CAPN7: variants seen among roughly 807,000 people sequenced by gnomAD.
CAPN7 encodes calpain-7.
CAPN7 carries 72 observed loss-of-function variants against 115.2 expected under a neutral mutation model. The observed-to-expected ratio is 0.63, with a 90% CI of 0.52 to 0.76. The LOEUF (loss-of-function observed/expected upper bound fraction) is 0.76. CAPN7 is among the 30% of genes least tolerant of loss of function. The pLI is 0.00. For missense variants in CAPN7, 905 were observed against 971.5 expected (o/e 0.93, Z 0.91); for synonymous variants, 344 against 322.3 (o/e 1.07, Z -0.72).
chr3:15,230,642 G>C (rs1451712605), intron 9 of CAPN7, 107 bp downstream of exon 9: 3 of 670,838 alleles, frequency 4.5e-6, no homozygotes, highest in Non-Finnish European at 8.0e-6. Flanking sequence ...CATTTTAAAA[G>C]TTAGAGTCTG....
Position 15,216,792 on chromosome 3 carries a change from A to G in CAPN7, c.212-633A>G, listed in dbSNP as rs146818969. Among the ~76,000 whole-genome samples, 26 of 152,296 alleles carry G rather than the reference A, an allele frequency of 1.7e-4. 1 individual carries two copies. Among genetic ancestry groups the G allele is most frequent in the African/African-American group, 5.1e-4 (21 of 41,568 alleles). On this transcript the variant is annotated intron_variant, in intron 2 of 20. Coordinates refer to ENST00000253693, the MANE Select transcript of CAPN7 (RefSeq NM_014296.3). ...ATATGAGGAGAATGCCTGTGTTTCA[A>G]TTTTTAAGTGAAGAAAGTGCCAGTG...
chr3:15,218,654 A>G, intron 4 of CAPN7, 114 bp downstream of exon 4: 1 of 741,948 alleles, frequency 1.3e-6, no homozygotes, highest in Non-Finnish European at 2.3e-6. Context: ...TTTAACTGTC[A>G]TCTGAAACAA....
intron 6 of CAPN7, 119 bp downstream of exon 6, chr3:15,223,680 G>A: frequency 1.5e-6 from 1 of 648,320 alleles, no homozygotes; most frequent in South Asian, 1.9e-5. Context: ...GAATAGAGGG[G>A]TGGCTGTGGG....
chr3:15,239,465 A>G (rs1695211254), intron 12 of CAPN7, among the ~76,000 whole-genome samples: 1 of 152,236 alleles, frequency 6.6e-6, no homozygotes, highest in Non-Finnish European at 1.5e-5. Flanking sequence ...ATTCTGTTCC[A>G]TAAATGAGTG....
At chr3:15,230,119 G>A (rs1391976510) in intron 8 of CAPN7, among the ~76,000 whole-genome samples, 2 of 152,170 alleles carry the variant, frequency 1.3e-5, no homozygotes, top group South Asian at 4.1e-4. Context: ...CTTAGGGCCA[G>A]TGGTAAAAGA....
intron 8 of CAPN7, among the ~76,000 whole-genome samples, chr3:15,229,430 A>G (rs1694531767): frequency 1.3e-5 from 2 of 152,180 alleles, no homozygotes; most frequent in Admixed American, 6.5e-5. Context: ...CAAGTGTAAA[A>G]TGCATGAGAT....
In CAPN7 at chr3:15,220,879, TGG is replaced by T; in HGVS notation, c.538_539del (p.Gly180ArgfsTer2). On this transcript the variant is annotated frameshift_variant, in exon 5 of 21. Transcript: ENST00000253693. LOFTEE classifies it high-confidence loss of function. ...CCTCCAGTGAGAGCACATTTTCCAC[TGG>T]GCGCTAATCCCTTCCTTGAAAGACC... is the stretch of plus-strand genomic sequence containing the variant. 1 of 1,614,230 alleles carries T rather than the reference TGG, an allele frequency of 6.2e-7. No individual in the cohort carries two copies. Among genetic ancestry groups the T allele is most frequent in the Admixed American group, 1.7e-5 (1 of 60,028 alleles).
Position 15,252,866 on chromosome 3 carries a change from G to A in CAPN7, c.*1606G>A, listed in dbSNP as rs914757607. The A allele has an allele frequency of 7.5e-6, 1 of 132,940 alleles. No individual in the cohort carries two copies. The highest frequency in any genetic ancestry group is 4.2e-5 in the African/African-American group (1 of 23,536). The allele number at this position is 132,940 out of a possible 1,614,324, so 8.2% of individuals were successfully genotyped here. On this transcript the variant is annotated 3_prime_UTR_variant, in exon 21 of 21. Coordinates refer to ENST00000253693, the MANE Select transcript of CAPN7 (RefSeq NM_014296.3). ...TGAGTGTTTACTATGTACCCAATGT[G>A]TATATTTTTCTTTTTAATCTTCCCA... is the stretch of plus-strand genomic sequence containing the variant.
chr3:15,225,367 G>A (rs1274475825), intron 6 of CAPN7, among the ~76,000 whole-genome samples: 1 of 152,122 alleles, frequency 6.6e-6, no homozygotes. Context: ...AAATGAATCA[G>A]TTATTCTGGT....
rs111812945 is a variant in CAPN7 at position 15,235,446 on chromosome 3, T to G, written c.1407+301T>G. Among the ~76,000 whole-genome samples the G allele has an allele frequency of 3.4e-3, 510 of 152,222 alleles. 5 individuals carry two copies. The highest frequency in any genetic ancestry group is 9.8e-3 in the African/African-American group (406 of 41,536). On this transcript the variant is annotated intron_variant, in intron 12 of 20. Coordinates refer to ENST00000253693, the MANE Select transcript of CAPN7 (RefSeq NM_014296.3). Reference sequence around the variant, plus strand: ...TACATAGCTTCCAAGATTCCAAGCTTCTTCTTCGTGTTTGGATCAATCACA... The same window carrying G: ...TACATAGCTTCCAAGATTCCAAGCTGCTTCTTCGTGTTTGGATCAATCACA...
intron 2 of CAPN7, 46 bp downstream of exon 2, chr3:15,212,258 C>G (rs1287350723): frequency 9.8e-7 from 1 of 1,023,168 alleles, no homozygotes; most frequent in Non-Finnish European, 1.5e-6. Flanking sequence ...TTTCTTTTCT[C>G]CCATCATGTC....
At chr3:15,224,719 T>C (rs1036428268) in intron 6 of CAPN7, among the ~76,000 whole-genome samples, 1 of 152,166 alleles carries the variant, frequency 6.6e-6, no homozygotes, top group Non-Finnish European at 1.5e-5. Context: ...TCAAAATTTC[T>C]CCAATGAGCA....
rs531474976 is a variant in CAPN7, at chr3:15,233,441, A to G, written c.1180-426A>G. On this transcript the variant is annotated intron_variant, in intron 10 of 20. Coordinates refer to ENST00000253693, the MANE Select transcript of CAPN7 (RefSeq NM_014296.3). ...CCCAGCCTATACTTTCAATTGCTCTATCCTTCACATACTTTTAGTTTAGCT... is the reference window on the plus strand; with the variant it reads ...CCCAGCCTATACTTTCAATTGCTCTGTCCTTCACATACTTTTAGTTTAGCT... Among the ~76,000 whole-genome samples the G allele has an allele frequency of 1.9e-3, 290 of 152,320 alleles. 2 individuals are homozygous for G. The highest frequency in any genetic ancestry group is 6.5e-3 in the African/African-American group (270 of 41,574).
chr3:15,209,389 G>A (rs1402316981), intron 1 of CAPN7, among the ~76,000 whole-genome samples: 2 of 152,146 alleles, frequency 1.3e-5, no homozygotes, highest in East Asian at 3.8e-4. Context: ...AATATAATTT[G>A]TAAAGATAAA....
chr3:15,228,144 A>G (rs1694440393), intron 7 of CAPN7, among the ~76,000 whole-genome samples, 179 bp downstream of exon 7: 1 of 152,194 alleles, frequency 6.6e-6, no homozygotes, highest in Non-Finnish European at 1.5e-5. Flanking sequence ...AGTATAAATC[A>G]CTGTTTTGAG....
chr3:15,248,635 G>C (rs888335452), intron 19 of CAPN7, among the ~76,000 whole-genome samples: 2 of 152,144 alleles, frequency 1.3e-5, no homozygotes, highest in African/African-American at 4.8e-5. Flanking sequence ...CTTTGCAAAT[G>C]ATTAAGTTGT....
At chr3:15,250,576 G>C (rs984421574) in intron 19 of CAPN7, among the ~76,000 whole-genome samples, 18 of 152,298 alleles carry the variant, frequency 1.2e-4, no homozygotes, top group African/African-American at 4.3e-4. Flanking sequence ...GAAGGCTGAG[G>C]CAGGATAATC....
chr3:15,218,579 C>T, intron 4 of CAPN7, 39 bp downstream of exon 4: 1 of 1,424,672 alleles, frequency 7.0e-7, no homozygotes, highest in Non-Finnish European at 9.8e-7. Flanking sequence ...ATGGATGGCA[C>T]TTAGTGTTAT....
At chr3:15,241,123 C>T (rs1695319693) in intron 14 of CAPN7, among the ~76,000 whole-genome samples, 1 of 152,080 alleles carries the variant, frequency 6.6e-6, no homozygotes, top group African/African-American at 2.4e-5. Context: ...GCAGATCGCT[C>T]AAGCCTGGGA....
Sources: allele counts gnomAD v4.1 joint callset (sites outside exome capture counted in the v4.1 genomes callset), GRCh38; gene constraint gnomAD v4.1.1; transcripts MANE v1.5; gene names NCBI Gene and HGNC (gene_info 2026-07-23, HGNC 2026-07-21).